ADCY2: variants seen among roughly 807,000 people sequenced by gnomAD.
ADCY2 encodes adenylate cyclase 2, also known as adenylate cyclase type 2.
A neutral mutation model predicts 125.2 loss-of-function variants in ADCY2; 31 were observed. That is an observed-to-expected ratio of 0.25 (90% CI 0.19 to 0.33). The LOEUF (loss-of-function observed/expected upper bound fraction) is 0.33, where lower values mean the gene tolerates loss of function less well. Among genes scored for constraint, ADCY2 ranks in the 10% least tolerant of loss-of-function variants. The pLI, the probability that ADCY2 is intolerant of heterozygous loss-of-function variation, is 1.00. For synonymous variants in ADCY2, 512 were observed against 548.4 expected (o/e 0.93, Z 0.93); for missense variants, 904 against 1,418.2 (o/e 0.64, Z 5.82).
intron 3 of ADCY2, among the ~76,000 whole-genome samples, chr5:7,597,983 C>G (rs1367169437): frequency 1.3e-5 from 2 of 152,158 alleles, no homozygotes. Flanking sequence ...CAGCCCCCAG[C>G]CAGGCCCTGG....
chr5:7,731,372 C>T (rs182373841), intron 14 of ADCY2, among the ~76,000 whole-genome samples: 95 of 151,320 alleles, frequency 6.3e-4, no homozygotes, highest in Non-Finnish European at 7.7e-4. Context: ...TCTCCTGTCT[C>T]AGCCTCCTGA....
chr5:7,400,099 A>T (rs1023017110), intron 1 of ADCY2, among the ~76,000 whole-genome samples: 72 of 151,516 alleles, frequency 4.8e-4, no homozygotes, highest in Non-Finnish European at 2.9e-4. Context: ...GGTTGACATA[A>T]TTTTTTTTTA....
At chr5:7,759,475 C>G (rs1463993601) in intron 16 of ADCY2, among the ~76,000 whole-genome samples, 1 of 152,202 alleles carries the variant, frequency 6.6e-6, no homozygotes, top group Non-Finnish European at 1.5e-5. Flanking sequence ...GGCTGGCAGT[C>G]CCCTGTGGAG....
At chr5:7,757,881 G>A (rs1435518173) in intron 16 of ADCY2, among the ~76,000 whole-genome samples, 1 of 152,152 alleles carries the variant, frequency 6.6e-6, no homozygotes, top group Non-Finnish European at 1.5e-5. Context: ...TAAGGAAAGG[G>A]GTGCTTTCAC....
rs1744643627 is a variant in ADCY2, at chr5:7,802,895, G to T, written c.2775+531G>T. ...TTCAACTTTCTACATAGAGAATAGT[G>T]TGTTCTATTTCCCAGTAAGAACAAA... On this transcript the variant is annotated intron_variant, in intron 21 of 24. Coordinates refer to ENST00000338316, the MANE Select transcript of ADCY2 (RefSeq NM_020546.3). The surrounding 1 kb of genome is among the most constrained non-coding windows in gnomAD (Gnocchi z 4.6). Among the ~76,000 whole-genome samples, 1 of 152,198 alleles carries T rather than the reference G, an allele frequency of 6.6e-6. No individual in the cohort carries two copies. The highest frequency in any genetic ancestry group is 2.1e-4 in the South Asian group (1 of 4,832).
intron 23 of ADCY2, among the ~76,000 whole-genome samples, chr5:7,818,356 T>C (rs186112744): frequency 3.3e-5 from 5 of 150,002 alleles, no homozygotes; most frequent in African/African-American, 1.2e-4. Context: ...TCTTTTTCTT[T>C]TTTTTTTTTT....
At chr5:7,748,391 G>A (rs1319932675) in intron 15 of ADCY2, among the ~76,000 whole-genome samples, 1 of 152,072 alleles carries the variant, frequency 6.6e-6, no homozygotes, top group Non-Finnish European at 1.5e-5. Flanking sequence ...GAGGTGAGAG[G>A]GAACCTAGAG....
At chr5:7,462,748 T>C (rs926048066) in intron 2 of ADCY2, among the ~76,000 whole-genome samples, 3 of 152,272 alleles carry the variant, frequency 2.0e-5, no homozygotes, top group Non-Finnish European at 2.9e-5. Flanking sequence ...TCATTCGTGG[T>C]GTAAATAACA....
At chr5:7,483,725 C>T (rs1413729912) in intron 2 of ADCY2, among the ~76,000 whole-genome samples, 1 of 152,142 alleles carries the variant, frequency 6.6e-6, no homozygotes, top group African/African-American at 2.4e-5. Context: ...GTCTCAGGCA[C>T]TCCCACTGGA....
chr5:7,536,622 C>A (rs1362855901), intron 3 of ADCY2, among the ~76,000 whole-genome samples: 1 of 152,166 alleles, frequency 6.6e-6, no homozygotes, highest in Non-Finnish European at 1.5e-5. Flanking sequence ...CTTTTTGTTG[C>A]TTGATCTTCT....
At chr5:7,811,621 T>A (rs1463329312) in intron 22 of ADCY2, among the ~76,000 whole-genome samples, 1 of 152,144 alleles carries the variant, frequency 6.6e-6, no homozygotes, top group Non-Finnish European at 1.5e-5. Context: ...ACTTATTATA[T>A]CTAAACAAAT....
intron 4 of ADCY2, among the ~76,000 whole-genome samples, chr5:7,672,070 G>T (rs1166313097): frequency 6.6e-6 from 1 of 152,130 alleles, no homozygotes; most frequent in Non-Finnish European, 1.5e-5. Flanking sequence ...CCAGGTCCCT[G>T]CATAAGCCCA....
At chr5:7,817,158 C>T (rs937473880) in intron 23 of ADCY2, among the ~76,000 whole-genome samples, 178 bp downstream of exon 23, 3 of 151,974 alleles carry the variant, frequency 2.0e-5, no homozygotes, top group African/African-American at 7.3e-5. Flanking sequence ...AAAAAAAAAC[C>T]CTTTGATTGG....
chr5:7,418,682 A>T (rs1410202667), intron 2 of ADCY2, among the ~76,000 whole-genome samples: 12 of 100,130 alleles, frequency 1.2e-4, no homozygotes, highest in African/African-American at 5.8e-4. Flanking sequence ...TTGAGACTGA[A>T]TCTCACTCTG....
chr5:7,549,720 G>A (rs189527427), intron 3 of ADCY2, among the ~76,000 whole-genome samples: 7 of 152,210 alleles, frequency 4.6e-5, no homozygotes, highest in Admixed American at 6.5e-5. Context: ...GAAGTAGCCC[G>A]GATATTTTCC....
intron 4 of ADCY2, among the ~76,000 whole-genome samples, chr5:7,632,611 T>C (rs1188230306): frequency 6.6e-6 from 1 of 152,178 alleles, no homozygotes; most frequent in East Asian, 1.9e-4. Context: ...GCTGAGATGT[T>C]ATAAAAGGTT....
chr5:7,811,398 G>T (rs1034390297), intron 22 of ADCY2, among the ~76,000 whole-genome samples: 8 of 151,918 alleles, frequency 5.3e-5, no homozygotes, highest in African/African-American at 1.9e-4. Context: ...CTACTCGGGA[G>T]GCTGAGGCAG....
intron 3 of ADCY2, among the ~76,000 whole-genome samples, chr5:7,553,202 C>T (rs985852301): frequency 4.6e-5 from 7 of 152,180 alleles, no homozygotes; most frequent in Non-Finnish European, 8.8e-5. Flanking sequence ...GGGAAATGTT[C>T]CATATCTTGA....
chr5:7,726,603 G>A (rs1741940956), intron 13 of ADCY2, among the ~76,000 whole-genome samples: 1 of 152,100 alleles, frequency 6.6e-6, no homozygotes, highest in Non-Finnish European at 1.5e-5. Flanking sequence ...AAAGGAAGGG[G>A]ATCCCATTGG....
Sources: allele counts gnomAD v4.1 joint callset (sites outside exome capture counted in the v4.1 genomes callset), GRCh38; gene constraint gnomAD v4.1.1; non-coding constraint Gnocchi (gnomAD v3.1); transcripts MANE v1.5; gene names NCBI Gene and HGNC (gene_info 2026-07-23, HGNC 2026-07-21).